The following ADGB variants were observed in gnomAD, a reference collection of about 807,000 sequenced individuals.
ADGB encodes the protein calpain-7-like protein.
Under a neutral mutation model 210.5 loss-of-function variants are expected in ADGB, and 172 were observed. That is an observed-to-expected ratio of 0.82 (90% CI 0.72 to 0.93). The LOEUF (loss-of-function observed/expected upper bound fraction) is 0.93, where lower values mean the gene tolerates loss of function less well. Ranked by LOEUF, ADGB falls within the 40% of genes least tolerant of loss-of-function variation. ADGB has a pLI of 0.00. For missense variants in ADGB, 2,025 were observed against 1,964.8 expected, an observed-to-expected ratio of 1.03 and a Z score of -0.58; for synonymous variants, 658 against 662.7, an observed-to-expected ratio of 0.99 and a Z score of 0.11.
Position 146,788,549 on chromosome 6 carries a change from T to C in ADGB, c.4476T>C (p.Ser1492=). The change falls in exon 33 of 36, where the codon AGT becomes AGC. Residue 1492 remains serine, a synonymous_variant. Coordinates refer to ENST00000397944, the MANE Select transcript of ADGB (RefSeq NM_024694.4). ...TGGCAAAATCCACGAGTAGCGAAAG[T>C]GGAGGAGTGTCTTCACCAGGGAAAG... is the stretch of plus-strand genomic sequence containing the variant. ...RDVAKSTSSE[S]GGVSSPGKEE... 6.4e-7 allele frequency: 1 copy of C among 1,551,398 alleles called. No homozygotes were observed. The highest frequency in any genetic ancestry group is 1.4e-5 in the African/African-American group (1 of 73,068).
chr6:146,795,854 T>C (rs1778032839), intron 33 of ADGB, among the ~76,000 whole-genome samples: 1 of 152,084 alleles, frequency 6.6e-6, no homozygotes, highest in Non-Finnish European at 1.5e-5. Context: ...TAAATGCCCA[T>C]CAGTGACAGA....
chr6:146,691,473 T>TAA (rs1345325147), intron 11 of ADGB, among the ~76,000 whole-genome samples, 183 bp downstream of exon 11: 3 of 50,194 alleles, frequency 6.0e-5, no homozygotes, highest in African/African-American at 2.3e-4. Flanking sequence ...TATATATATA[T>TAA]ATAAATATAT....
chr6:146,752,612 G>A lies in ADGB; in HGVS notation c.3448G>A (p.Val1150Ile), dbSNP rs191520192. Reference protein sequence around the residue: ...SKPDAFIKLQVLENEETMVSS... With the variant: ...SKPDAFIKLQILENEETMVSS... ...ACCAGATGCATTCATCAAGCTGCAG[G>A]TCCTAGAAAATGAAGAAACTATGGT... The change falls in exon 27 of 36, where the codon GTC becomes ATC. Residue 1150 changes from valine (V) to isoleucine (I), a missense_variant. Physicochemically the swap from Val to Ile is conservative, Grantham distance 29 (BLOSUM62 3). Coordinates refer to ENST00000397944, the MANE Select transcript of ADGB (RefSeq NM_024694.4). 1.3e-6 allele frequency: 2 copies of A among 1,550,856 alleles called. No individual in the cohort carries two copies. The highest frequency in any genetic ancestry group is 2.4e-5 in the East Asian group (1 of 40,892).
chr6:146,674,398 G>A (rs1776057756), intron 8 of ADGB, among the ~76,000 whole-genome samples: 2 of 152,128 alleles, frequency 1.3e-5, no homozygotes, highest in South Asian at 4.1e-4. Context: ...CTGCTGAGAT[G>A]ACTGCAGTAG....
chr6:146,741,093 A>G, intron 24 of ADGB, 25 bp from the exon 25 acceptor site: 2 of 1,463,536 alleles, frequency 1.4e-6, no homozygotes, highest in Admixed American at 5.4e-5. Flanking sequence ...ACATCAAGGG[A>G]AAGTTCATGC....
chr6:146,726,104 C>T lies in ADGB; in HGVS notation c.2259C>T (p.Asn753=), dbSNP rs773614365. Reference sequence around the variant, plus strand: ...TTAGGAGACACATGCTACTCTTCAACGCATACTCCCCAGTAGGACACTCCA... The same window carrying T: ...TTAGGAGACACATGCTACTCTTCAATGCATACTCCCCAGTAGGACACTCCA... ...LPVGRHMLLF[N]AYSPVGHSIH... Residue 753 remains asparagine, a synonymous_variant, in exon 19 of 36, where the codon AAC becomes AAT. Transcript: ENST00000397944. 62 of 1,540,416 alleles carry T rather than the reference C, an allele frequency of 4.0e-5. No individual in the cohort carries two copies. The highest frequency in any genetic ancestry group is 1.9e-4 in the African/African-American group (14 of 72,908).
At chr6:146,711,655 T>C (rs1440691588) in intron 13 of ADGB, among the ~76,000 whole-genome samples, 1 of 152,214 alleles carries the variant, frequency 6.6e-6, no homozygotes, top group Non-Finnish European at 1.5e-5. Context: ...AAAATTTCAA[T>C]TTGGAAGTCA....
rs189421704 is a variant in ADGB, at chr6:146,692,803, C to T, written c.1487-22C>T. 1.9e-3 allele frequency: 2,550 copies of T among 1,349,230 alleles called. 31 individuals carry two copies. The East Asian group carries it at 0.023, about 12-fold the overall frequency. 83.6% of individuals were successfully genotyped at this position (1,349,230 alleles called of 1,614,324 possible). ...AAGATTTTTTTAAATGTACATCATA[C>T]TTTCTAACTGCTACTTTTTAGAGTT... is the stretch of plus-strand genomic sequence containing the variant. On this transcript the variant is annotated intron_variant, in intron 11 of 35. Transcript: ENST00000397944.
rs57913607 is a variant in ADGB, at chr6:146,650,597, CAAAAAAAAAAAAAAAAAAAAA to C, written c.331-3521_331-3501del. On this transcript the variant is annotated intron_variant, in intron 3 of 35. Coordinates refer to ENST00000397944, the MANE Select transcript of ADGB (RefSeq NM_024694.4). ...ATAAATACTCCTGAGTCCCTCCCAC[CAAAAAAAAAAAAAAAAAAAAA>C]AAAAAAAAAAAAAAAATCAGGGGCC... Among the ~76,000 whole-genome samples, 4 of 36,560 alleles carry C rather than the reference CAAAAAAAAAAAAAAAAAAAAA, an allele frequency of 1.1e-4. No homozygotes were observed. The Admixed American group carries it at 1.4e-3, about 13-fold the overall frequency. 24.0% of individuals were successfully genotyped at this position (36,560 alleles called of 152,430 possible).
chr6:146,722,822 C>T lies in ADGB; in HGVS notation c.2095+1317C>T, dbSNP rs149539024. 3.2e-3 allele frequency among the ~76,000 whole-genome samples: 481 copies of T among 152,176 alleles called. 2 individuals are homozygous for T. Among genetic ancestry groups the T allele is most frequent in the African/African-American group, 0.011 (458 of 41,496 alleles). On this transcript the variant is annotated intron_variant, in intron 17 of 35. Transcript: ENST00000397944. Reference sequence around the variant, plus strand: ...TGAACTTTCTCAAAATCTAGGCCACCTTCCTTCTGTTCTAATGGATAGACA... The same window carrying T: ...TGAACTTTCTCAAAATCTAGGCCACTTTCCTTCTGTTCTAATGGATAGACA...
At chr6:146,677,765 A>G (rs936540509) in intron 9 of ADGB, among the ~76,000 whole-genome samples, 1 of 152,184 alleles carries the variant, frequency 6.6e-6, no homozygotes, top group African/African-American at 2.4e-5. Flanking sequence ...GTTGAGTTCA[A>G]TATCTGCTCC....
chr6:146,614,949 G>A (rs1305751273), intron 1 of ADGB, among the ~76,000 whole-genome samples: 3 of 152,160 alleles, frequency 2.0e-5, no homozygotes, highest in Non-Finnish European at 4.4e-5. Context: ...CGCCCAGGCT[G>A]GAGTGCAGTG....
chr6:146,752,413 G>T (rs1777336242), intron 26 of ADGB, 117 bp from the exon 27 acceptor site: 2 of 897,356 alleles, frequency 2.2e-6, no homozygotes, highest in South Asian at 4.0e-5. Flanking sequence ...CTCAAACAGT[G>T]AGGGTCACAG....
At chr6:146,641,940 A>T (rs892631076) in intron 2 of ADGB, among the ~76,000 whole-genome samples, 1 of 152,188 alleles carries the variant, frequency 6.6e-6, no homozygotes, top group Non-Finnish European at 1.5e-5. Flanking sequence ...TGCACAGCAA[A>T]AGAAACTATC....
chr6:146,723,351 C>A (rs1186100911), intron 17 of ADGB, among the ~76,000 whole-genome samples: 1 of 152,088 alleles, frequency 6.6e-6, no homozygotes, highest in East Asian at 1.9e-4. Flanking sequence ...ATTATTTATC[C>A]ATTTTTAATA....
chr6:146,637,022 C>A (rs1008453998), intron 2 of ADGB, among the ~76,000 whole-genome samples: 1 of 151,764 alleles, frequency 6.6e-6, no homozygotes, highest in African/African-American at 2.4e-5. Context: ...ACGGGTGAAT[C>A]AAATTGTGAA....
intron 35 of ADGB, among the ~76,000 whole-genome samples, chr6:146,811,682 T>A (rs1778305043): frequency 6.6e-6 from 1 of 152,164 alleles, no homozygotes; most frequent in Non-Finnish European, 1.5e-5. Context: ...TTGTTTTGTT[T>A]TGTTTTTGAG....
chr6:146,692,871 A>G lies in ADGB; in HGVS notation c.1533A>G (p.Pro511=), dbSNP rs1419559926. The change falls in exon 12 of 36, where the codon CCA becomes CCG. Residue 511 remains proline (P), a synonymous_variant. Transcript: ENST00000397944. ...AACGGTTCCTTGAGATTTCAAGTCC[A>G]TTTTTGAATTATAGAATGACTCCAT... ...KPERFLEISS[P]FLNYRMTPFT... 7 of 1,541,210 alleles carry G rather than the reference A, an allele frequency of 4.5e-6. No homozygotes were observed. The highest frequency in any genetic ancestry group is 5.3e-6 in the Non-Finnish European group (6 of 1,140,212).
chr6:146,716,956 A>T lies in ADGB; in HGVS notation c.1815A>T (p.Ile605=), dbSNP rs1776744878. The part of the protein sequence containing the change: ...QSDGLNLERE[I]VSQTTATQEK... Reference sequence around the variant, plus strand: ...ATGGATTAAACTTGGAAAGAGAGATAGTCAGCCAGACCACAGCAACACAGG... The same window carrying T: ...ATGGATTAAACTTGGAAAGAGAGATTGTCAGCCAGACCACAGCAACACAGG... Residue 605 remains isoleucine (I), a synonymous_variant, in exon 15 of 36, where the codon ATA becomes ATT. Transcript: ENST00000397944. The T allele has an allele frequency of 6.4e-7, 1 of 1,551,592 alleles. No individual in the cohort carries two copies. Among genetic ancestry groups the T allele is most frequent in the East Asian group, 2.4e-5 (1 of 40,884 alleles).
Sources: gnomAD v4.1 joint callset for allele counts (sites outside exome capture counted in the v4.1 genomes callset) on GRCh38, gnomAD v4.1.1 for gene constraint, MANE v1.5 for transcripts, NCBI Gene and HGNC (gene_info 2026-07-23, HGNC 2026-07-21) for gene names.